Variants in SH2D4B observed in about 807,000 individuals in gnomAD.
SH2D4B encodes SH2 domain containing 4B.
A neutral mutation model predicts 61.5 loss-of-function variants in SH2D4B; 45 were observed. The ratio of observed to expected loss-of-function variants is 0.73; its 90% CI spans 0.58 to 0.94. SH2D4B has a LOEUF of 0.94. Among genes scored for constraint, SH2D4B ranks in the 40% least tolerant of loss-of-function variants. The pLI, the probability that SH2D4B is intolerant of heterozygous loss-of-function variation, is 0.00. For synonymous variants in SH2D4B, 224 were observed against 220.4 expected, an observed-to-expected ratio of 1.02 and a Z score of -0.14; for missense variants, 572 against 574.2, an observed-to-expected ratio of 1.00 and a Z score of 0.04.
intron 6 of SH2D4B, 145 bp downstream of exon 6, chr10:80,609,696 G>A (rs1842572580): frequency 6.1e-6 from 8 of 1,320,964 alleles, no homozygotes; most frequent in Non-Finnish European, 6.3e-6. Flanking sequence ...CCCAGTGGGA[G>A]TCCAGGAGGC....
At chr10:80,605,421 T>C (rs1417334184) in intron 5 of SH2D4B, among the ~76,000 whole-genome samples, 1 of 152,174 alleles carries the variant, frequency 6.6e-6, no homozygotes, top group African/African-American at 2.4e-5. Flanking sequence ...GTGATAAACA[T>C]TTTTTCTCAG....
chr10:80,609,372 G>C, intron 5 of SH2D4B, 52 bp from the exon 6 acceptor site: 38 of 1,344,152 alleles, frequency 2.8e-5, no homozygotes, highest in South Asian at 4.2e-5. Flanking sequence ...CTCTCCCTCC[G>C]CTCTTTCTCC....
In SH2D4B at chr10:80,562,036, C is replaced by T. The variant is rs546057002; in HGVS notation, c.185-8118C>T. Among the ~76,000 whole-genome samples, 1,318 of 148,158 alleles carry T rather than the reference C, an allele frequency of 8.9e-3. 12 individuals are homozygous for T. The highest frequency in any genetic ancestry group is 0.032 in the African/African-American group (1,244 of 38,610). ...CCACTCACTCTTCCAATTACACACA[C>T]ACACACACACACACACACACACACA... On this transcript the variant is annotated intron_variant, in intron 1 of 7. Coordinates refer to ENST00000646907, the MANE Select transcript of SH2D4B (RefSeq NM_001388272.1).
At chr10:80,570,408 T>C in intron 2 of SH2D4B, 92 bp downstream of exon 2, 1 of 1,447,334 alleles carries the variant, frequency 6.9e-7, no homozygotes, top group South Asian at 1.3e-5. Context: ...TTAGTAGAGA[T>C]GGAGTTCCAT....
chr10:80,603,868 G>A (rs1288262785), intron 5 of SH2D4B, 73 bp downstream of exon 5: 35 of 1,358,972 alleles, frequency 2.6e-5, no homozygotes, highest in African/African-American at 1.0e-4. Flanking sequence ...CGGGGTCCCC[G>A]TCCCGGGTCT....
Position 80,638,406 on chromosome 10 carries a change from C to T in SH2D4B, c.1209+3901C>T, listed in dbSNP as rs12241454. 7.8e-3 allele frequency among the ~76,000 whole-genome samples: 1,193 copies of T among 152,214 alleles called. 16 individuals are homozygous for T. Among genetic ancestry groups the T allele is most frequent in the African/African-American group, 0.028 (1,144 of 41,512 alleles). ...CTCTGGTAGAATTTAGCTGTGAATC[C>T]GTGTGGTCCTGGACTTTTTTTGGTT... On this transcript the variant is annotated intron_variant, in intron 7 of 7. Transcript: ENST00000646907.
chr10:80,634,239 T>G, intron 6 of SH2D4B, 46 bp from the exon 7 acceptor site: 1 of 1,476,446 alleles, frequency 6.8e-7, no homozygotes, highest in Non-Finnish European at 9.0e-7. Context: ...GGGGAGGCAG[T>G]CGCAGAACCT....
Position 80,543,559 on chromosome 10 carries a change from C to T in SH2D4B, c.184+5044C>T, listed in dbSNP as rs182649436. Among the ~76,000 whole-genome samples, 1,348 of 152,344 alleles carry T rather than the reference C, an allele frequency of 8.8e-3. 16 individuals are homozygous for T. Among genetic ancestry groups the T allele is most frequent in the African/African-American group, 0.03 (1,258 of 41,580 alleles). ...ATGAGCGCCACCCCCTGCTCCACGG[C>T]GCCCAGTCTCATCTACCACTCAAGG... On this transcript the variant is annotated intron_variant, in intron 1 of 7. Coordinates refer to ENST00000646907, the MANE Select transcript of SH2D4B (RefSeq NM_001388272.1).
At chr10:80,541,464 C>T (rs1841577901) in intron 1 of SH2D4B, among the ~76,000 whole-genome samples, 1 of 152,202 alleles carries the variant, frequency 6.6e-6, no homozygotes, top group South Asian at 2.1e-4. Context: ...CCTGCTGTAG[C>T]CCTGCTGAGC....
Position 80,603,593 on chromosome 10 carries a change from G to A in SH2D4B, c.658G>A (p.Ala220Thr), listed in dbSNP as rs370850128. ...CCTCTTTCCAGTGCGCCGGTCCAAG[G>A]CGGCTGATGAGGAGAGGAGCCGCCG... The part of the protein sequence containing the change: ...EWEEQLRRSK[A>T]ADEERSRRAQ... Residue 220 changes from alanine to threonine, a missense_variant, in exon 5 of 8, where the codon GCG becomes ACG. Ala to Thr is a moderately conservative substitution (Grantham distance 58). Transcript: ENST00000646907. 114 of 1,560,060 alleles carry A rather than the reference G, an allele frequency of 7.3e-5. No homozygotes were observed. The highest frequency in any genetic ancestry group is 9.6e-5 in the Non-Finnish European group (111 of 1,151,498).
At chr10:80,578,847 C>T (rs1842155414) in intron 3 of SH2D4B, among the ~76,000 whole-genome samples, 2 of 152,064 alleles carry the variant, frequency 1.3e-5, no homozygotes, top group Admixed American at 6.5e-5. Flanking sequence ...GAGTCTATGA[C>T]AACGAGGAAG....
At chr10:80,577,841 C>T (rs537201220) in intron 3 of SH2D4B, among the ~76,000 whole-genome samples, 81 of 151,744 alleles carry the variant, frequency 5.3e-4, no homozygotes, top group African/African-American at 1.8e-3. Context: ...AGATTACAGG[C>T]GTGAGCCACC....
chr10:80,609,590 CACA>C, intron 6 of SH2D4B, 39 bp downstream of exon 6: 1 of 1,613,398 alleles, frequency 6.2e-7, no homozygotes, highest in Non-Finnish European at 8.5e-7. Context: ...AGATGATTTC[CACA>C]TCTTTGCCTC....
At chr10:80,632,662 T>G (rs981643134) in intron 6 of SH2D4B, among the ~76,000 whole-genome samples, 19 of 151,784 alleles carry the variant, frequency 1.3e-4, no homozygotes, top group Non-Finnish European at 1.5e-4. Flanking sequence ...AGGGCCCGGG[T>G]GTTCTGGTGT....
chr10:80,598,103 G>A lies in SH2D4B; in HGVS notation c.644-5476G>A, dbSNP rs146096202. On this transcript the variant is annotated intron_variant, in intron 4 of 7. Coordinates refer to ENST00000646907, the MANE Select transcript of SH2D4B (RefSeq NM_001388272.1). ...GAAGGAGCACTGGACTGGGAGTCCT[G>A]TGCTAGCTCTGCCCACTTACTAGTG... Among the ~76,000 whole-genome samples, 149 of 152,328 alleles carry A rather than the reference G, an allele frequency of 9.8e-4. 3 individuals are homozygous for A. The East Asian group carries it at 0.022, about 22-fold the overall frequency.
Position 80,572,957 on chromosome 10 carries a change from TATATATATATATATATATATATATA to T in SH2D4B, c.495+1380_495+1404del, listed in dbSNP as rs1564771847. On this transcript the variant is annotated intron_variant, in intron 3 of 7. Transcript: ENST00000646907. ...CATGTATGTTGCAAATATATATATA[TATATATATATATATATATATATATA>T]TATATTTTTTTTTTTTTTTTTTTTT... Among the ~76,000 whole-genome samples, 32 of 6,226 alleles carry T rather than the reference TATATATATATATATATATATATATA, an allele frequency of 5.1e-3. 1 individual carries two copies. The highest frequency in any genetic ancestry group is 7.6e-3 in the Non-Finnish European group (24 of 3,140). 4.1% of individuals were successfully genotyped at this position (6,226 alleles called of 152,430 possible). A position where few individuals can be genotyped will look rare whatever the true frequency, so the allele number is the denominator to read the frequency against.
chr10:80,546,681 G>A (rs374801066), intron 1 of SH2D4B, among the ~76,000 whole-genome samples: 12 of 151,848 alleles, frequency 7.9e-5, no homozygotes, highest in South Asian at 4.2e-4. Context: ...GCCCACCACC[G>A]CGCCCGGCTA....
chr10:80,562,068 T>A (rs1297454885), intron 1 of SH2D4B, among the ~76,000 whole-genome samples: 1 of 146,410 alleles, frequency 6.8e-6, no homozygotes, highest in Non-Finnish European at 1.5e-5. Flanking sequence ...CACACATATA[T>A]AAAAATTCCA....
intron 1 of SH2D4B, among the ~76,000 whole-genome samples, chr10:80,548,111 G>A (rs918269242): frequency 2.6e-5 from 4 of 152,100 alleles, no homozygotes; most frequent in Admixed American, 6.5e-5. Flanking sequence ...CCCACCCAAG[G>A]GATGCTCCCT....
Sources: gnomAD v4.1 joint callset for allele counts (sites outside exome capture counted in the v4.1 genomes callset) on GRCh38, gnomAD v4.1.1 for gene constraint, MANE v1.5 for transcripts, NCBI Gene and HGNC (gene_info 2026-07-23, HGNC 2026-07-21) for gene names.